PLEKHM3: variants seen among roughly 807,000 people sequenced by gnomAD.
The protein encoded by PLEKHM3 is pleckstrin homology domain-containing family M member 3.
PLEKHM3 carries 45 observed loss-of-function variants against 81.8 expected under a neutral mutation model. That is an observed-to-expected ratio of 0.55 (90% CI 0.43 to 0.71). The LOEUF (loss-of-function observed/expected upper bound fraction) is 0.71. PLEKHM3 is among the 30% of genes least tolerant of loss of function. The pLI is 0.00. For missense variants in PLEKHM3, 788 were observed against 924.3 expected, an observed-to-expected ratio of 0.85 and a Z score of 1.91; for synonymous variants, 352 against 356.4, an observed-to-expected ratio of 0.99 and a Z score of 0.14.
intron 2 of PLEKHM3, among the ~76,000 whole-genome samples, chr2:207,984,423 C>T (rs978808584): frequency 1.3e-5 from 2 of 151,554 alleles, no homozygotes; most frequent in African/African-American, 4.8e-5. Context: ...CGGAGTCTTG[C>T]TCTGTTGCCC....
In PLEKHM3 at chr2:207,946,529, G is replaced by A. The variant is rs749558374; in HGVS notation, c.1547-17C>T. On this transcript the variant is annotated splice_polypyrimidine_tract_variant and intron_variant, in intron 3 of 7. Transcript: ENST00000427836. ...GCTGGCAGCCTGTTCAAGGAAAAAG[G>A]AAGAGTCTATGATTGCTGTTGTACT... is the stretch of plus-strand genomic sequence containing the variant. 1.9e-6 allele frequency: 3 copies of A among 1,613,192 alleles called. No individual in the cohort carries two copies. The East Asian group carries it at 6.7e-5, about 36-fold the overall frequency.
intron 7 of PLEKHM3, among the ~76,000 whole-genome samples, chr2:207,856,008 G>C (rs955172342): frequency 6.6e-6 from 1 of 152,052 alleles, no homozygotes; most frequent in Non-Finnish European, 1.5e-5. Flanking sequence ...ATTAATAGGG[G>C]AAACTGAGTG....
intron 6 of PLEKHM3, chr2:207,900,225 C>T (rs1160013849): frequency 6.6e-6 from 1 of 152,220 alleles, no homozygotes; most frequent in Non-Finnish European, 1.5e-5. Context: ...ACTCATCTCT[C>T]TGGTGGCTGA....
rs115965627 is a variant in PLEKHM3 at position 207,921,035 on chromosome 2, C to T, written c.1886+9891G>A. On this transcript the variant is annotated intron_variant, in intron 5 of 7. Coordinates refer to ENST00000427836, the MANE Select transcript of PLEKHM3 (RefSeq NM_001080475.3). ...AGTCATAGTTCCATTCCTTCCCTCC[C>T]TCCCTCCTTCCCTCCCTTCCTTCCT... is the stretch of plus-strand genomic sequence containing the variant. 2.9e-3 allele frequency among the ~76,000 whole-genome samples: 447 copies of T among 152,008 alleles called. 4 individuals are homozygous for T. Among genetic ancestry groups the T allele is most frequent in the Middle Eastern group, 6.8e-3 (2 of 294 alleles).
At chr2:207,971,488 CACT>C (rs1403592501) in intron 3 of PLEKHM3, among the ~76,000 whole-genome samples, 3 of 151,468 alleles carry the variant, frequency 2.0e-5, no homozygotes, top group Non-Finnish European at 2.9e-5. Context: ...CTGATCTGAT[CACT>C]ATACATATGT....
intron 3 of PLEKHM3, among the ~76,000 whole-genome samples, chr2:207,960,720 A>T (rs1462051991): frequency 2.6e-5 from 4 of 152,240 alleles, no homozygotes; most frequent in Non-Finnish European, 5.9e-5. Context: ...AAGATCACAC[A>T]GGAGAGTCGG....
At chr2:207,957,666 C>T (rs1476509136) in intron 3 of PLEKHM3, among the ~76,000 whole-genome samples, 1 of 151,922 alleles carries the variant, frequency 6.6e-6, no homozygotes, top group African/African-American at 2.4e-5. Flanking sequence ...CCATTGCACT[C>T]CAGCCTAGGT....
At chr2:208,008,097 G>A (rs1042145786) in intron 1 of PLEKHM3, among the ~76,000 whole-genome samples, 1 of 151,694 alleles carries the variant, frequency 6.6e-6, no homozygotes, top group African/African-American at 2.4e-5. Context: ...AATTAGTCAG[G>A]TGTGGTGGCA....
At chr2:207,995,482 G>A (rs1692090251) in intron 2 of PLEKHM3, among the ~76,000 whole-genome samples, 1 of 152,146 alleles carries the variant, frequency 6.6e-6, no homozygotes, top group Admixed American at 6.5e-5. Flanking sequence ...CAAAGTAAGG[G>A]CACAGCCCCA....
At chr2:207,860,207 A>G (rs372507595) in intron 7 of PLEKHM3, among the ~76,000 whole-genome samples, 2,661 of 49,584 alleles carry the variant, frequency 0.054, 65 homozygotes, top group African/African-American at 0.15. Context: ...GTGTGTGTGT[A>G]TCTGCATGTC....
At chr2:207,960,660 A>G (rs1690697013) in intron 3 of PLEKHM3, among the ~76,000 whole-genome samples, 1 of 152,202 alleles carries the variant, frequency 6.6e-6, no homozygotes, top group Admixed American at 6.5e-5. Context: ...GTGGAGAGGA[A>G]AGGGAAAGGC....
chr2:207,823,803 T>C lies in PLEKHM3; in HGVS notation c.*4516A>G, dbSNP rs1270282730. 6.6e-6 allele frequency: 1 copy of C among 152,244 alleles called. No homozygotes were observed. Among genetic ancestry groups the C allele is most frequent in the African/African-American group, 2.4e-5 (1 of 41,456 alleles). The allele number at this position is 152,244 out of a possible 1,614,324, so 9.4% of individuals were successfully genotyped here. A position where few individuals can be genotyped will look rare whatever the true frequency, so the allele number is the denominator to read the frequency against. On this transcript the variant is annotated 3_prime_UTR_variant, in exon 8 of 8. Coordinates refer to ENST00000427836, the MANE Select transcript of PLEKHM3 (RefSeq NM_001080475.3). ...ATGGTTAGGAGGGTATCCCATACTC[T>C]TGTCTTTTACCTAGAGTTTAACAAT...
In PLEKHM3 at chr2:207,908,274, C is replaced by A. The variant is rs551383769; in HGVS notation, c.1950+240G>T. The stretch of plus-strand genomic sequence containing the variant: ...TTTTTAACTGTTCCAAAGTGGCTAA[C>A]GTACTTTGCATCCCATCAGCAATGT... On this transcript the variant is annotated intron_variant, in intron 6 of 7. Transcript: ENST00000427836. Among the ~76,000 whole-genome samples the A allele has an allele frequency of 3.3e-5, 5 of 152,300 alleles. No individual in the cohort carries two copies. In the East Asian group the frequency reaches 9.6e-4, roughly 29 times the overall value.
chr2:207,926,207 A>C (rs1263147459), intron 5 of PLEKHM3, among the ~76,000 whole-genome samples: 1 of 152,190 alleles, frequency 6.6e-6, no homozygotes, highest in Non-Finnish European at 1.5e-5. Flanking sequence ...ACACAGAATG[A>C]GGGAAGTTCT....
At chr2:207,959,795 G>A (rs1417323845) in intron 3 of PLEKHM3, among the ~76,000 whole-genome samples, 3 of 152,176 alleles carry the variant, frequency 2.0e-5, no homozygotes, top group African/African-American at 7.2e-5. Flanking sequence ...GTAGTGCTAG[G>A]AACAGTCTCA....
intron 1 of PLEKHM3, among the ~76,000 whole-genome samples, chr2:208,015,009 T>C (rs1692846755): frequency 6.6e-6 from 1 of 152,218 alleles, no homozygotes; most frequent in Admixed American, 6.5e-5. Context: ...AAACAAAATA[T>C]AGTTCTTATA....
intron 3 of PLEKHM3, among the ~76,000 whole-genome samples, chr2:207,974,423 G>A (rs1241378983): frequency 6.6e-6 from 1 of 152,182 alleles, no homozygotes; most frequent in African/African-American, 2.4e-5. Context: ...TGAGAGGGAG[G>A]TGAATTAGGC....
At chr2:207,981,752 T>C (rs1691531728) in intron 2 of PLEKHM3, among the ~76,000 whole-genome samples, 1 of 152,254 alleles carries the variant, frequency 6.6e-6, no homozygotes, top group Non-Finnish European at 1.5e-5. Flanking sequence ...CTCTGGGCCA[T>C]ATCATATCAA....
intron 6 of PLEKHM3, among the ~76,000 whole-genome samples, chr2:207,862,958 T>C (rs1438543420): frequency 6.6e-6 from 1 of 152,118 alleles, no homozygotes; most frequent in Non-Finnish European, 1.5e-5. Context: ...AGGCTTTGGG[T>C]CCCACAAAGA....
Sources: allele counts gnomAD v4.1 joint callset (sites outside exome capture counted in the v4.1 genomes callset), GRCh38; gene constraint gnomAD v4.1.1; transcripts MANE v1.5; gene names NCBI Gene and HGNC (gene_info 2026-07-23, HGNC 2026-07-21).